GNG4: variants seen among roughly 807,000 people sequenced by gnomAD.
GNG4 encodes guanine nucleotide-binding protein G(I)/G(S)/G(O) subunit gamma-4.
GNG4 carries 4 observed loss-of-function variants against 5.8 expected under a neutral mutation model. The ratio of observed to expected loss-of-function variants is 0.69; its 90% CI spans 0.34 to 1.57. GNG4 has a LOEUF of 1.57. Ranked by LOEUF, GNG4 falls within the 40% of genes most tolerant of loss-of-function variation. The probability of loss-of-function intolerance (pLI) is 0.06; values close to 1 mark genes in which losing one functional copy is unlikely to be tolerated. For missense variants in GNG4, 96 were observed against 95.1 expected, an observed-to-expected ratio of 1.01 and a Z score of -0.04; for synonymous variants, 29 against 32.9, an observed-to-expected ratio of 0.88 and a Z score of 0.41.
At chr1:235,630,867 A>G (rs1276550691) in intron 1 of GNG4, among the ~76,000 whole-genome samples, 3 of 152,098 alleles carry the variant, frequency 2.0e-5, no homozygotes, top group Non-Finnish European at 4.4e-5. Flanking sequence ...ACGTGAGCCT[A>G]ACCAATCACC....
At chr1:235,620,025 A>G (rs925208685) in intron 1 of GNG4, among the ~76,000 whole-genome samples, 5 of 152,188 alleles carry the variant, frequency 3.3e-5, no homozygotes, top group African/African-American at 9.7e-5. Context: ...TATATTAAGA[A>G]ATTTCCTTTC....
chr1:235,562,962 T>C (rs1314345033), intron 3 of GNG4, among the ~76,000 whole-genome samples: 1 of 152,210 alleles, frequency 6.6e-6, no homozygotes, highest in Non-Finnish European at 1.5e-5. Context: ...ATATTCTTTT[T>C]AAAGGTTAAA....
chr1:235,587,423 T>A (rs1352327054), intron 2 of GNG4, among the ~76,000 whole-genome samples: 5 of 46,876 alleles, frequency 1.1e-4, no homozygotes, highest in Admixed American at 2.7e-4. Context: ...GGTGGGGGTG[T>A]GTGTGTGAGG....
intron 1 of GNG4, among the ~76,000 whole-genome samples, chr1:235,610,923 G>GA (rs1283015047): frequency 6.6e-6 from 1 of 151,764 alleles, no homozygotes; most frequent in Non-Finnish European, 1.5e-5. Context: ...CATCTCTACT[G>GA]AAAAAAATAC....
chr1:235,617,905 A>G (rs904589391), intron 1 of GNG4, among the ~76,000 whole-genome samples: 28 of 151,564 alleles, frequency 1.8e-4, no homozygotes, highest in Non-Finnish European at 2.9e-4. Context: ...AAAAAAAAAA[A>G]AAAGAAAGAA....
intron 2 of GNG4, among the ~76,000 whole-genome samples, chr1:235,587,547 GT>G (rs1687825190): frequency 7.6e-6 from 1 of 132,192 alleles, no homozygotes; most frequent in Non-Finnish European, 1.6e-5. Flanking sequence ...CAGGGTGTGG[GT>G]TGGGGTTGTG....
At chr1:235,611,497 A>G (rs1688474091) in intron 1 of GNG4, among the ~76,000 whole-genome samples, 1 of 152,112 alleles carries the variant, frequency 6.6e-6, no homozygotes, top group Non-Finnish European at 1.5e-5. Context: ...TTGAATATGT[A>G]GTGCCCAGCA....
chr1:235,605,436 A>G lies in GNG4; in HGVS notation c.-122-9925T>C, dbSNP rs549763856. 4.6e-5 allele frequency among the ~76,000 whole-genome samples: 7 copies of G among 152,092 alleles called. No homozygotes were observed. In the South Asian group the frequency reaches 1.0e-3, roughly 23 times the overall value. Reference sequence around the variant, plus strand: ...GTGGTCCGCCCGCCTTGGCCTCCCAAAGTGCTGAGATTACAGGTGTGAGCC... The same window carrying G: ...GTGGTCCGCCCGCCTTGGCCTCCCAGAGTGCTGAGATTACAGGTGTGAGCC... On this transcript the variant is annotated intron_variant, in intron 1 of 3. Transcript: ENST00000391854.
intron 1 of GNG4, among the ~76,000 whole-genome samples, chr1:235,620,830 C>T (rs375266278): frequency 4.6e-5 from 7 of 152,180 alleles, no homozygotes; most frequent in Admixed American, 1.3e-4. Context: ...CCACTGCGCC[C>T]GGCCAAATGT....
intron 1 of GNG4, chr1:235,615,777 T>G: frequency 1.2e-5 from 3 of 254,388 alleles, no homozygotes; most frequent in Non-Finnish European, 2.4e-5. Flanking sequence ...AGCTGCAGAA[T>G]GGGGACCTGG....
chr1:235,592,392 C>T (rs1336647670), intron 2 of GNG4, among the ~76,000 whole-genome samples: 1 of 151,328 alleles, frequency 6.6e-6, no homozygotes, highest in African/African-American at 2.5e-5. Context: ...GCCTGTAATC[C>T]CAGCTACTCA....
Position 235,583,781 on chromosome 1 carries a change from C to T in GNG4, c.58G>A (p.Val20Met). Residue 20 changes from valine to methionine, a missense_variant, in exon 3 of 4, where the codon GTG becomes ATG. Val to Met is a conservative substitution (Grantham distance 21). Transcript: ENST00000391854. Reference protein sequence around the residue: ...TTSISQARKAVEQLKMEACMD... With the variant: ...TTSISQARKAMEQLKMEACMD... ...CAGGCTTCCATCTTTAGCTGCTCCA[C>T]AGCTTTCCTGGCTTGGGAGATGCTA... 6.8e-6 allele frequency: 11 copies of T among 1,613,964 alleles called. No homozygotes were observed. The highest frequency in any genetic ancestry group is 8.5e-6 in the Non-Finnish European group (10 of 1,179,838).
At chr1:235,607,416 A>T (rs1393511059) in intron 1 of GNG4, among the ~76,000 whole-genome samples, 1 of 152,256 alleles carries the variant, frequency 6.6e-6, no homozygotes, top group Non-Finnish European at 1.5e-5. Flanking sequence ...CAGATTACAC[A>T]GCACGGATGG....
chr1:235,587,251 G>C (rs1687787235), intron 2 of GNG4, among the ~76,000 whole-genome samples: 1 of 139,580 alleles, frequency 7.2e-6, no homozygotes, highest in Admixed American at 7.2e-5. Flanking sequence ...TGGGGTGTGT[G>C]TGATGACAGT....
chr1:235,607,639 G>A (rs1044584892), intron 1 of GNG4, among the ~76,000 whole-genome samples: 3 of 152,246 alleles, frequency 2.0e-5, no homozygotes, highest in Admixed American at 6.5e-5. Context: ...GAATGAGTTC[G>A]CAGCAGTTCA....
intron 2 of GNG4, 63 bp from the exon 3 acceptor site, chr1:235,583,911 C>T: frequency 1.1e-6 from 1 of 919,884 alleles, no homozygotes; most frequent in Non-Finnish European, 1.7e-6. Flanking sequence ...GGAACCCCAC[C>T]TCCCACCACC....
At chr1:235,575,484 C>T (rs564700014) in intron 3 of GNG4, among the ~76,000 whole-genome samples, 8 of 152,282 alleles carry the variant, frequency 5.3e-5, no homozygotes, top group South Asian at 4.1e-4. Flanking sequence ...GTCTATAGAA[C>T]GCAGGCCCAA....
At chr1:235,643,030 C>T (rs909904319) in intron 1 of GNG4, among the ~76,000 whole-genome samples, 5 of 152,308 alleles carry the variant, frequency 3.3e-5, no homozygotes, top group South Asian at 4.1e-4. Flanking sequence ...CCCCGACTGA[C>T]GCTGGGGCCG....
chr1:235,582,647 TG>T (rs1224797727), intron 3 of GNG4, among the ~76,000 whole-genome samples: 2 of 152,212 alleles, frequency 1.3e-5, no homozygotes, highest in Non-Finnish European at 2.9e-5. Flanking sequence ...AATTGTTTTC[TG>T]GGTTCTAAAC....
Sources: gnomAD v4.1 joint callset for allele counts (sites outside exome capture counted in the v4.1 genomes callset) on GRCh38, gnomAD v4.1.1 for gene constraint, MANE v1.5 for transcripts, NCBI Gene and HGNC (gene_info 2026-07-23, HGNC 2026-07-21) for gene names.